Variants in GALNTL6 observed in about 807,000 individuals in gnomAD.
GALNTL6 encodes polypeptide N-acetylgalactosaminyltransferase like 6.
In GALNTL6, 46 loss-of-function variants were observed where a neutral mutation model predicts 73.7. The ratio of observed to expected loss-of-function variants is 0.62; its 90% CI spans 0.49 to 0.80. GALNTL6 has a LOEUF of 0.80. Among genes scored for constraint, GALNTL6 ranks in the 30% least tolerant of loss-of-function variants. The pLI is 0.00. For synonymous variants in GALNTL6, 259 were observed against 263.7 expected, an observed-to-expected ratio of 0.98 and a Z score of 0.17; for missense variants, 604 against 755.0, an observed-to-expected ratio of 0.80 and a Z score of 2.34.
intron 5 of GALNTL6, among the ~76,000 whole-genome samples, chr4:172,643,567 GC>G (rs2111129031): frequency 6.6e-6 from 1 of 151,948 alleles, no homozygotes; most frequent in South Asian, 2.1e-4. Context: ...TCCCCAACTA[GC>G]CACTGACTCC....
intron 5 of GALNTL6, among the ~76,000 whole-genome samples, chr4:172,377,924 C>T (rs941202224): frequency 1.3e-5 from 2 of 151,730 alleles, no homozygotes; most frequent in African/African-American, 4.8e-5. Flanking sequence ...GCCTCTTCCT[C>T]CACACCTCCC....
At chr4:172,573,130 C>T (rs1368129776) in intron 5 of GALNTL6, among the ~76,000 whole-genome samples, 1 of 152,142 alleles carries the variant, frequency 6.6e-6, no homozygotes, top group Non-Finnish European at 1.5e-5. Flanking sequence ...GCATCTTTTA[C>T]ATCCAATTCA....
chr4:172,118,243 A>C lies in GALNTL6; in HGVS notation c.139-111413A>C, dbSNP rs1465323640. ...CTTGGAATTTTTAATTTGAAATATAAAATTTTTAAAAAGCCATTTCAAGTG... is the reference window on the plus strand; with the variant it reads ...CTTGGAATTTTTAATTTGAAATATACAATTTTTAAAAAGCCATTTCAAGTG... On this transcript the variant is annotated intron_variant, in intron 2 of 12. Coordinates refer to ENST00000506823, the MANE Select transcript of GALNTL6 (RefSeq NM_001034845.3). 2.0e-5 allele frequency among the ~76,000 whole-genome samples: 3 copies of C among 152,164 alleles called. No individual in the cohort carries two copies. The East Asian group carries it at 5.8e-4, about 29-fold the overall frequency.
At chr4:172,585,976 G>A (rs1004240728) in intron 5 of GALNTL6, among the ~76,000 whole-genome samples, 1 of 152,196 alleles carries the variant, frequency 6.6e-6, no homozygotes, top group Non-Finnish European at 1.5e-5. Flanking sequence ...TCTCACTCCA[G>A]TCAGAATGGT....
chr4:172,315,609 CCTT>C (rs1740517088), intron 4 of GALNTL6, among the ~76,000 whole-genome samples: 1 of 152,306 alleles, frequency 6.6e-6, no homozygotes, highest in South Asian at 2.1e-4. Flanking sequence ...ATACTCACTC[CCTT>C]CTTCTGTTAG....
chr4:172,552,833 G>A (rs1457288200), intron 5 of GALNTL6, among the ~76,000 whole-genome samples: 4 of 9,454 alleles, frequency 4.2e-4, no homozygotes, highest in Non-Finnish European at 6.0e-4. Context: ...AAAAGTAATT[G>A]CAGTAAAAAA....
intron 5 of GALNTL6, among the ~76,000 whole-genome samples, chr4:172,565,428 T>C (rs1218240171): frequency 6.6e-6 from 1 of 152,336 alleles, no homozygotes; most frequent in East Asian, 1.9e-4. Flanking sequence ...TGAAGCAAAC[T>C]CATGTCTCAT....
chr4:172,176,200 C>T (rs975173425), intron 2 of GALNTL6, among the ~76,000 whole-genome samples: 4 of 151,326 alleles, frequency 2.6e-5, no homozygotes, highest in Admixed American at 6.6e-5. Context: ...ATTAGCCGGG[C>T]GAGGTGGCGG....
In GALNTL6 at chr4:171,978,826, T is replaced by G. The variant is rs1434870856; in HGVS notation, c.138+164108T>G. Among the ~76,000 whole-genome samples the G allele has an allele frequency of 2.6e-5, 4 of 152,246 alleles. No individual in the cohort carries two copies. In the East Asian group the frequency reaches 7.7e-4, roughly 29 times the overall value. On this transcript the variant is annotated intron_variant, in intron 2 of 12. Transcript: ENST00000506823. Reference sequence around the variant, plus strand: ...GCATTTTGCAAAATGGAGAGCTTCTTGGCTTAGGAAACAATTTCTGGAATA... The same window carrying G: ...GCATTTTGCAAAATGGAGAGCTTCTGGGCTTAGGAAACAATTTCTGGAATA...
chr4:172,752,910 A>T (rs1837132), intron 5 of GALNTL6, among the ~76,000 whole-genome samples: 54,494 of 152,038 alleles, frequency 0.36, 10,813 homozygotes, highest in African/African-American at 0.52. Context: ...TTCTTTCAAA[A>T]CTGAGATGAT....
At chr4:171,925,582 T>C (rs187718859) in intron 2 of GALNTL6, among the ~76,000 whole-genome samples, 20 of 152,322 alleles carry the variant, frequency 1.3e-4, no homozygotes, top group Admixed American at 2.6e-4. Flanking sequence ...AGACTTTGAA[T>C]AATTTTTATT....
At chr4:172,987,206 A>C (rs980990735) in intron 10 of GALNTL6, among the ~76,000 whole-genome samples, 3 of 152,188 alleles carry the variant, frequency 2.0e-5, no homozygotes, top group Non-Finnish European at 2.9e-5. Flanking sequence ...TAAAGGAAAA[A>C]GGTTTAATAG....
At chr4:172,305,855 A>C (rs549093785) in intron 3 of GALNTL6, among the ~76,000 whole-genome samples, 1 of 152,250 alleles carries the variant, frequency 6.6e-6, no homozygotes, top group South Asian at 2.1e-4. Flanking sequence ...TCATTCATTC[A>C]TTTAAAAAGC....
At chr4:171,990,953 G>A (rs985545629) in intron 2 of GALNTL6, among the ~76,000 whole-genome samples, 1 of 152,128 alleles carries the variant, frequency 6.6e-6, no homozygotes, top group Non-Finnish European at 1.5e-5. Flanking sequence ...AAATAAAACA[G>A]GAGATATGCA....
intron 3 of GALNTL6, among the ~76,000 whole-genome samples, chr4:172,293,518 T>C (rs955404014): frequency 2.6e-5 from 4 of 152,046 alleles, no homozygotes; most frequent in African/African-American, 9.7e-5. Flanking sequence ...CAAACACCAA[T>C]AATTATGTCA....
intron 2 of GALNTL6, among the ~76,000 whole-genome samples, chr4:172,028,369 TAAG>T (rs1354169960): frequency 6.6e-6 from 1 of 152,048 alleles, no homozygotes; most frequent in Admixed American, 6.6e-5. Flanking sequence ...ATGAATTTTA[TAAG>T]AAGTTACCTT....
At chr4:172,142,138 A>G (rs1446293697) in intron 2 of GALNTL6, among the ~76,000 whole-genome samples, 1 of 152,048 alleles carries the variant, frequency 6.6e-6, no homozygotes, top group Non-Finnish European at 1.5e-5. Flanking sequence ...ATAGAAATAA[A>G]TATTGTAATA....
intron 8 of GALNTL6, among the ~76,000 whole-genome samples, chr4:172,912,429 TGGGAAGTGCAAGAGGTCA>T (rs1283760332): frequency 6.6e-6 from 1 of 152,194 alleles, no homozygotes; most frequent in Non-Finnish European, 1.5e-5. Context: ...TCACCTCACC[TGGGAAGTGCAAGAGGTCA>T]GGGAATTCCC....
intron 5 of GALNTL6, among the ~76,000 whole-genome samples, chr4:172,674,821 A>G (rs1386579912): frequency 6.6e-6 from 1 of 152,176 alleles, no homozygotes; most frequent in Admixed American, 6.5e-5. Flanking sequence ...CAGCTCTATC[A>G]TGTCAGTTTG....
Sources: gnomAD v4.1 joint callset for allele counts (sites outside exome capture counted in the v4.1 genomes callset) on GRCh38, gnomAD v4.1.1 for gene constraint, MANE v1.5 for transcripts, NCBI Gene and HGNC (gene_info 2026-07-23, HGNC 2026-07-21) for gene names.